PICALM: variants seen among roughly 807,000 people sequenced by gnomAD.
PICALM encodes the protein phosphatidylinositol-binding clathrin assembly protein.
PICALM carries 40 observed loss-of-function variants against 80.5 expected under a neutral mutation model. That is an observed-to-expected ratio of 0.50 (90% confidence interval 0.39 to 0.65). The LOEUF (loss-of-function observed/expected upper bound fraction) is 0.65, where lower values mean the gene tolerates loss of function less well. Among genes scored for constraint, PICALM ranks in the 30% least tolerant of loss-of-function variants. The pLI is 0.00. For synonymous variants in PICALM, 288 were observed against 260.3 expected (o/e 1.11, Z -1.02); for missense variants, 676 against 778.9 (o/e 0.87, Z 1.57).
At chr11:86,028,731 T>C (rs2095694375) in intron 2 of PICALM, among the ~76,000 whole-genome samples, 1 of 152,208 alleles carries the variant, frequency 6.6e-6, no homozygotes, top group African/African-American at 2.4e-5. Context: ...GCCTTACCTT[T>C]TGAGATTTTT....
At position 86,016,519 on chromosome 11, in the gene PICALM, T is replaced by C. The variant is rs887077566; in HGVS notation, c.453-1556A>G. ...AGAATTCCACAGATCATTAATATAA[T>C]CACTCCTTTACAAATACCTTTAACT... On this transcript the variant is annotated intron_variant, in intron 4 of 19. Transcript: ENST00000393346. Among the ~76,000 whole-genome samples the C allele has an allele frequency of 3.3e-5, 5 of 152,318 alleles. No homozygotes were observed. In the East Asian group the frequency reaches 9.6e-4, roughly 29 times the overall value.
chr11:86,067,587 T>C (rs1232112022), intron 1 of PICALM, among the ~76,000 whole-genome samples: 2 of 152,204 alleles, frequency 1.3e-5, no homozygotes, highest in African/African-American at 4.8e-5. Flanking sequence ...TAAAGCTAGT[T>C]CCTCAAAAGG....
At chr11:86,062,472 C>T (rs984983236) in intron 1 of PICALM, among the ~76,000 whole-genome samples, 29 of 151,352 alleles carry the variant, frequency 1.9e-4, no homozygotes, top group Non-Finnish European at 3.5e-4. Flanking sequence ...TAGCTGAGAT[C>T]GCACCACTGC....
intron 19 of PICALM, among the ~76,000 whole-genome samples, 166 bp from the exon 20 acceptor site, chr11:85,959,226 A>G (rs1299440599): frequency 1.3e-5 from 2 of 152,234 alleles, no homozygotes; most frequent in Non-Finnish European, 1.5e-5. Context: ...CTTATGTGCC[A>G]GAAAGCTCAA....
chr11:85,979,862 A>G (rs953637516), intron 17 of PICALM, among the ~76,000 whole-genome samples: 3 of 152,314 alleles, frequency 2.0e-5, no homozygotes, highest in Admixed American at 6.5e-5. Flanking sequence ...CTTTTCCACA[A>G]GGAGTTTTCT....
At chr11:86,031,195 C>T (rs543595347) in intron 2 of PICALM, among the ~76,000 whole-genome samples, 37 of 152,210 alleles carry the variant, frequency 2.4e-4, no homozygotes, top group Middle Eastern at 3.4e-3. Context: ...AGTCTATAAA[C>T]AGGACCAGCA....
chr11:86,044,692 G>A lies in PICALM; in HGVS notation c.131-13081C>T, dbSNP rs1000795927. 9.2e-5 allele frequency among the ~76,000 whole-genome samples: 14 copies of A among 152,186 alleles called. 1 individual carries two copies. Among genetic ancestry groups the A allele is most frequent in the Admixed American group, 7.2e-4 (11 of 15,280 alleles). ...CTGGCTCATGACCTGTTAGGAACTG[G>A]GCCACACAGTAGCTGGTGAGCTAGG... On this transcript the variant is annotated intron_variant, in intron 1 of 19. Transcript: ENST00000393346.
intron 4 of PICALM, among the ~76,000 whole-genome samples, chr11:86,018,133 C>T (rs1336726367): frequency 6.6e-6 from 1 of 152,152 alleles, no homozygotes; most frequent in Non-Finnish European, 1.5e-5. Context: ...AACCTAGATT[C>T]ATCTGACTAA....
chr11:86,043,270 T>C (rs940947294), intron 1 of PICALM, among the ~76,000 whole-genome samples: 17 of 152,240 alleles, frequency 1.1e-4, no homozygotes, highest in African/African-American at 4.1e-4. Flanking sequence ...AACATGCTTC[T>C]ATTCTGCCTA....
intron 1 of PICALM, among the ~76,000 whole-genome samples, chr11:86,055,992 C>G (rs1180498915): frequency 3.3e-5 from 5 of 151,592 alleles, no homozygotes; most frequent in Admixed American, 1.3e-4. Context: ...AAAAACTTAG[C>G]CAGCATGGTG....
chr11:85,971,552 A>G (rs1374574704), intron 19 of PICALM, among the ~76,000 whole-genome samples: 1 of 152,020 alleles, frequency 6.6e-6, no homozygotes, highest in African/African-American at 2.4e-5. Flanking sequence ...CCTGGGCAAC[A>G]TGGCAAAACT....
chr11:86,037,425 A>G (rs1308421892), intron 1 of PICALM, among the ~76,000 whole-genome samples: 4 of 151,142 alleles, frequency 2.6e-5, no homozygotes, highest in Middle Eastern at 3.4e-3. Context: ...ACGCCCGGCT[A>G]ATTTTTGTAT....
chr11:86,025,481 CAT>C (rs772372305), intron 3 of PICALM, among the ~76,000 whole-genome samples: 57 of 152,264 alleles, frequency 3.7e-4, no homozygotes, highest in African/African-American at 1.2e-3. Flanking sequence ...GCTACTAAAA[CAT>C]GTAATATTTC....
At chr11:86,000,602 G>C in intron 11 of PICALM, 41 bp downstream of exon 11, 9 of 1,550,662 alleles carry the variant, frequency 5.8e-6, no homozygotes, top group Non-Finnish European at 7.9e-6. Context: ...AGAAGTCTTT[G>C]AACCTACATA....
chr11:86,062,987 A>G (rs1055327584), intron 1 of PICALM, among the ~76,000 whole-genome samples: 7 of 151,966 alleles, frequency 4.6e-5, no homozygotes, highest in Non-Finnish European at 1.0e-4. Context: ...ACCTCTTGCC[A>G]AGAAGCCTGT....
chr11:86,034,402 C>T (rs1434780942), intron 1 of PICALM, among the ~76,000 whole-genome samples: 1 of 152,188 alleles, frequency 6.6e-6, no homozygotes, highest in Non-Finnish European at 1.5e-5. Context: ...CCACCTGTGA[C>T]TAACCAAAAG....
chr11:86,044,524 A>G (rs967091597), intron 1 of PICALM, among the ~76,000 whole-genome samples: 3 of 152,136 alleles, frequency 2.0e-5, no homozygotes, highest in African/African-American at 7.2e-5. Context: ...CACATGCTTC[A>G]CAATTAAAAC....
rs548832781 is a variant in PICALM, at chr11:85,996,296, G to C, written c.1258+530C>G. ...TATTGGTACAAGGGGAAAATTCTTT[G>C]ACTAGCAAAATCTTTCAGGTCTTAA... On this transcript the variant is annotated intron_variant, in intron 12 of 19. Coordinates refer to ENST00000393346, the MANE Select transcript of PICALM (RefSeq NM_007166.4). Among the ~76,000 whole-genome samples the C allele has an allele frequency of 3.9e-5, 6 of 152,080 alleles. No individual in the cohort carries two copies. In the South Asian group the frequency reaches 1.2e-3, roughly 32 times the overall value.
chr11:85,980,912 A>G (rs997314798), intron 17 of PICALM, among the ~76,000 whole-genome samples: 2 of 152,244 alleles, frequency 1.3e-5, no homozygotes, highest in Non-Finnish European at 2.9e-5. Flanking sequence ...TTACTGGAAT[A>G]TGTCTGGCAC....
Sources: gnomAD v4.1 joint callset for allele counts (sites outside exome capture counted in the v4.1 genomes callset) on GRCh38, gnomAD v4.1.1 for gene constraint, MANE v1.5 for transcripts, NCBI Gene and HGNC (gene_info 2026-07-23, HGNC 2026-07-21) for gene names.